The following APP variants were observed in gnomAD, a reference collection of about 807,000 sequenced individuals.
The protein encoded by APP is amyloid-beta precursor protein.
A neutral mutation model predicts 101.4 loss-of-function variants in APP; 31 were observed. The ratio of observed to expected loss-of-function variants is 0.31; its 90% CI spans 0.23 to 0.41. The LOEUF is 0.41. APP is among the 10% of genes least tolerant of loss of function. APP has a pLI of 1.00. For missense variants in APP, 839 were observed against 1,003.7 expected (o/e 0.84, Z 2.22); for synonymous variants, 366 against 364.4 (o/e 1.00, Z -0.05).
chr21:25,904,666 T>G lies in APP; in HGVS notation c.1963+358A>C, dbSNP rs558890288. On this transcript the variant is annotated intron_variant, in intron 15 of 17. Coordinates refer to ENST00000346798, the MANE Select transcript of APP (RefSeq NM_000484.4). ...TGGTATCCAAGTCATCACCTGAGAG[T>G]CTACATCTATCTGGGCTTCTGTTTT... is the stretch of plus-strand genomic sequence containing the variant. 8.9e-4 allele frequency among the ~76,000 whole-genome samples: 135 copies of G among 151,856 alleles called. 1 individual carries two copies. The highest frequency in any genetic ancestry group is 1.8e-3 in the Admixed American group (27 of 15,250).
intron 1 of APP, among the ~76,000 whole-genome samples, chr21:26,118,529 T>A (rs1392680767): frequency 1.3e-5 from 2 of 152,196 alleles, no homozygotes; most frequent in African/African-American, 4.8e-5. Flanking sequence ...TCATTCTGTC[T>A]TTACAGTTTT....
chr21:26,068,980 G>A (rs770937430), intron 3 of APP, among the ~76,000 whole-genome samples: 4 of 152,154 alleles, frequency 2.6e-5, no homozygotes. Flanking sequence ...AATTCCGGAA[G>A]TGTACCCAAA....
chr21:26,084,229 T>TG (rs1490958365), intron 3 of APP, among the ~76,000 whole-genome samples: 9 of 42,594 alleles, frequency 2.1e-4, no homozygotes, highest in Non-Finnish European at 4.4e-4. Flanking sequence ...AGGGCTCCAT[T>TG]TTTTTTTTTT....
chr21:26,125,138 G>C (rs1358167313), intron 1 of APP, among the ~76,000 whole-genome samples: 5 of 152,206 alleles, frequency 3.3e-5, no homozygotes, highest in Admixed American at 3.3e-4. Flanking sequence ...ATGAAAGGTA[G>C]CACAAGGCTA....
chr21:25,979,813 T>TTA (rs371166612), intron 9 of APP, among the ~76,000 whole-genome samples: 9 of 151,334 alleles, frequency 5.9e-5, no homozygotes, highest in Admixed American at 1.3e-4. Flanking sequence ...AAACACACAT[T>TTA]AAAAAAAATG....
At chr21:26,017,409 C>A (rs1454765810) in intron 6 of APP, among the ~76,000 whole-genome samples, 428 of 110,940 alleles carry the variant, frequency 3.9e-3, no homozygotes, top group Non-Finnish European at 4.7e-3. Flanking sequence ...AATCCCGTGT[C>A]AAAAAAAAAA....
In APP at chr21:25,988,702, C is replaced by CAAAAAA. The variant is rs537417600; in HGVS notation, c.1091-6231_1091-6226dup. 1.6e-4 allele frequency among the ~76,000 whole-genome samples: 10 copies of CAAAAAA among 62,364 alleles called. 1 individual carries two copies. The highest frequency in any genetic ancestry group is 1.2e-3 in the South Asian group (2 of 1,698). 40.9% of individuals were successfully genotyped at this position (62,364 alleles called of 152,430 possible). A position where few individuals can be genotyped will look rare whatever the true frequency, so the allele number is the denominator to read the frequency against. ...GGGTGATAACAGCGAAACTCTGTCT[C>CAAAAAA]AAAAAAAAAAAAAAAAAAAAAGGAG... On this transcript the variant is annotated intron_variant, in intron 8 of 17. Coordinates refer to ENST00000346798, the MANE Select transcript of APP (RefSeq NM_000484.4).
At chr21:26,130,927 G>T (rs917766729) in intron 1 of APP, among the ~76,000 whole-genome samples, 3 of 152,236 alleles carry the variant, frequency 2.0e-5, no homozygotes, top group Admixed American at 1.3e-4. Flanking sequence ...CTATTACTGG[G>T]TAATATAAAT....
intron 11 of APP, among the ~76,000 whole-genome samples, chr21:25,959,059 C>T (rs1009894339): frequency 6.6e-6 from 1 of 152,060 alleles, no homozygotes; most frequent in Non-Finnish European, 1.5e-5. Context: ...GAGCCTCCTT[C>T]TCCTAATCAC....
At position 26,090,052 on chromosome 21, in the gene APP, G is replaced by C; in HGVS notation, c.246C>G (p.Ile82Met). 6.2e-7 allele frequency: 1 copy of C among 1,614,120 alleles called. No homozygotes were observed. Among genetic ancestry groups the C allele is most frequent in the Non-Finnish European group, 8.5e-7 (1 of 1,180,010 alleles). ...YCQEVYPELQITNVVEANQPV... is the reference protein window; with the variant it reads ...YCQEVYPELQMTNVVEANQPV... The stretch of plus-strand genomic sequence containing the variant: ...GTTGGTTGGCTTCTACCACATTGGT[G>C]ATCTGCAGTTCAGGGTAGACCTGGG... Residue 82 changes from isoleucine (I) to methionine (M), a missense_variant, in exon 3 of 18, where the codon ATC becomes ATG. Transcript: ENST00000346798.
chr21:26,137,387 G>A (rs1203041780), intron 1 of APP, among the ~76,000 whole-genome samples: 1 of 150,146 alleles, frequency 6.7e-6, no homozygotes, highest in African/African-American at 2.4e-5. Flanking sequence ...TTATGAAAAG[G>A]GTTACTGCCC....
intron 13 of APP, among the ~76,000 whole-genome samples, chr21:25,924,472 A>T (rs2039794973): frequency 1.5e-5 from 2 of 134,104 alleles, no homozygotes; most frequent in African/African-American, 2.7e-5. Context: ...AGGGCCATGG[A>T]TGAAGCTGGA....
At chr21:26,037,520 C>T (rs1056738505) in intron 5 of APP, among the ~76,000 whole-genome samples, 2 of 152,046 alleles carry the variant, frequency 1.3e-5, no homozygotes, top group South Asian at 2.1e-4. Flanking sequence ...TTTTAATGAA[C>T]GGTCTATGCT....
rs535018618 is a variant in APP, at chr21:25,888,637, TG to T, written c.2211+3084del. ...GACAGCAAAATGAGGAGAGAAGAGC[TG>T]AACAGCCATCCTTCCCGATTTTGCT... On this transcript the variant is annotated intron_variant, in intron 17 of 17. Transcript: ENST00000346798. Among the ~76,000 whole-genome samples, 249 of 152,270 alleles carry T rather than the reference TG, an allele frequency of 1.6e-3. 1 individual carries two copies. Among genetic ancestry groups the T allele is most frequent in the African/African-American group, 5.2e-3 (215 of 41,564 alleles).
intron 2 of APP, among the ~76,000 whole-genome samples, chr21:26,107,261 G>A (rs12482494): frequency 0.039 from 5,999 of 152,230 alleles, 243 homozygotes; most frequent in Admixed American, 0.12. Flanking sequence ...ATAATTTGAC[G>A]ATATTCCAGA....
intron 6 of APP, among the ~76,000 whole-genome samples, chr21:26,017,186 G>A (rs1458167250): frequency 1.6e-4 from 10 of 63,734 alleles, no homozygotes; most frequent in Admixed American, 4.1e-4. Context: ...GTGACAGAGC[G>A]AGACTGTATC....
chr21:26,017,346 G>A (rs2044139262), intron 6 of APP, among the ~76,000 whole-genome samples: 2 of 151,028 alleles, frequency 1.3e-5, no homozygotes, highest in African/African-American at 4.9e-5. Context: ...CGGCTACTTG[G>A]GAGGCTGAGG....
intron 8 of APP, among the ~76,000 whole-genome samples, chr21:25,991,172 T>C (rs1182796493): frequency 6.6e-6 from 1 of 150,858 alleles, no homozygotes; most frequent in Non-Finnish European, 1.5e-5. Context: ...TGAGGAAGAG[T>C]GGGAAGGAGG....
chr21:25,947,584 A>G (rs1600991349), intron 13 of APP, among the ~76,000 whole-genome samples: 1 of 152,244 alleles, frequency 6.6e-6, no homozygotes, highest in African/African-American at 2.4e-5. Flanking sequence ...ACATTTAGAC[A>G]CAGGCAGCTA....
Sources: allele counts gnomAD v4.1 joint callset (sites outside exome capture counted in the v4.1 genomes callset), GRCh38; gene constraint gnomAD v4.1.1; transcripts MANE v1.5; gene names NCBI Gene and HGNC (gene_info 2026-07-23, HGNC 2026-07-21).